Variants in DHRS13 observed in about 807,000 individuals in gnomAD.
DHRS13 encodes dehydrogenase/reductase SDR family member 13.
Under a neutral mutation model 17.9 loss-of-function variants are expected in DHRS13, and 22 were observed. The ratio of observed to expected loss-of-function variants is 1.23; its 90% CI spans 0.88 to 1.75. The LOEUF (loss-of-function observed/expected upper bound fraction) is 1.75, where lower values mean the gene tolerates loss of function less well. Ranked by LOEUF, DHRS13 falls within the 40% of genes most tolerant of loss-of-function variation. The probability of loss-of-function intolerance (pLI) is 0.00; values close to 1 mark genes in which losing one functional copy is unlikely to be tolerated. For synonymous variants in DHRS13, 206 were observed against 220.4 expected (o/e 0.93, Z 0.58); for missense variants, 483 against 519.9 (o/e 0.93, Z 0.69).
chr17:28,903,075 A>G lies in DHRS13; in HGVS notation c.-131T>C, dbSNP rs1238789052. ...TCAGCCTCCGAAGGCGGAGGCGGGC[A>G]GGAGGCTGGGCAGGGGCGTGTGCGC... On this transcript the variant is annotated 5_prime_UTR_variant, in exon 1 of 5. Coordinates refer to ENST00000378895, the MANE Select transcript of DHRS13 (RefSeq NM_144683.4). The surrounding 1 kb of genome is among the most constrained non-coding windows in gnomAD (Gnocchi z 4.8). 17 of 842,720 alleles carry G rather than the reference A, an allele frequency of 2.0e-5. No individual in the cohort carries two copies. The East Asian group carries it at 5.6e-4, about 28-fold the overall frequency. The allele number at this position is 842,720 out of a possible 1,614,324, so 52.2% of individuals were successfully genotyped here.
Position 28,900,984 on chromosome 17 carries a change from C to T in DHRS13, c.682+6G>A. ...GGGAATCGGAAGCCAAAGAACCAGA[C>T]CTCACCTGGGTGGGCTGCATAGCAG... is the stretch of plus-strand genomic sequence containing the variant. On this transcript the variant is annotated splice_donor_region_variant and intron_variant, in intron 4 of 4. Transcript: ENST00000378895. 1.3e-6 allele frequency: 2 copies of T among 1,579,770 alleles called. No homozygotes were observed. Among genetic ancestry groups the T allele is most frequent in the Non-Finnish European group, 1.7e-6 (2 of 1,159,072 alleles).
rs143814501 is a variant in DHRS13, at chr17:28,898,832, C to A, written c.743G>T (p.Arg248Leu). 1 of 1,608,574 alleles carries A rather than the reference C, an allele frequency of 6.2e-7. No homozygotes were observed. Among genetic ancestry groups the A allele is most frequent in the Non-Finnish European group, 8.5e-7 (1 of 1,177,334 alleles). The stretch of plus-strand genomic sequence containing the variant: ...CCGGAGCACCAGCCAAGCCAATGGG[C>A]GCAAAAGTGGGCGCAGCCATCCAGG... ...HVPGWLRPLLRPLAWLVLRAP... is the reference protein window; with the variant it reads ...HVPGWLRPLLLPLAWLVLRAP... The change falls in exon 5 of 5, where the codon CGC (arginine) becomes CTC (leucine). Residue 248 changes from arginine (R) to leucine (L), a missense_variant. Physicochemically the swap from Arg to Leu is moderately radical, Grantham distance 102 (BLOSUM62 -2). Coordinates refer to ENST00000378895, the MANE Select transcript of DHRS13 (RefSeq NM_144683.4).
rs750035478 is a variant in DHRS13, at chr17:28,901,612, C to A, written c.251G>T (p.Ser84Ile). The change falls in exon 3 of 5, where the codon AGT becomes ATT. Residue 84 changes from serine (S) to isoleucine (I), a missense_variant. Coordinates refer to ENST00000378895, the MANE Select transcript of DHRS13 (RefSeq NM_144683.4). The surrounding 1 kb of genome is among the most constrained non-coding windows in gnomAD (Gnocchi z 4.3). ...EAAAFDLRQE[S>I]GNNEVIFMAL... ...CATGAAGATGACCTCATTGTTCCCA[C>A]TCTCCTGTGGAGAGGCAAGGGCTGG... 2.3e-5 allele frequency: 37 copies of A among 1,614,108 alleles called. No homozygotes were observed. The Middle Eastern group carries it at 2.0e-3, about 86-fold the overall frequency.
Position 28,901,371 on chromosome 17 carries a change from A to G in DHRS13, c.371-70T>C. The stretch of plus-strand genomic sequence containing the variant: ...TGCAGCCTTGGCATCCCTATCTATG[A>G]GATGGGAGAAGGGGGCATCCTTCCC... On this transcript the variant is annotated intron_variant, in intron 3 of 4. Coordinates refer to ENST00000378895, the MANE Select transcript of DHRS13 (RefSeq NM_144683.4). This position sits in a 1 kb window ranked among gnomAD's most constrained non-coding sequence, Gnocchi z 4.3. 6.3e-7 allele frequency: 1 copy of G among 1,582,852 alleles called. No individual in the cohort carries two copies. Among genetic ancestry groups the G allele is most frequent in the Admixed American group, 1.7e-5 (1 of 57,180 alleles).
rs2039811971 is a variant in DHRS13 at position 28,902,273 on chromosome 17, C to T, written c.246+310G>A. The T allele has an allele frequency of 6.8e-6, 2 of 293,100 alleles. No homozygotes were observed. Among genetic ancestry groups the T allele is most frequent in the Non-Finnish European group, 1.3e-5 (2 of 158,212 alleles). The allele number at this position is 293,100 out of a possible 1,614,324, so 18.2% of individuals were successfully genotyped here. A position where few individuals can be genotyped will look rare whatever the true frequency, so the allele number is the denominator to read the frequency against. Reference sequence around the variant, plus strand: ...CAGTTTTTCAGATCAGTCCAGCTCTCTTTGCCTCAGAGCCTTTGCTTATGC... The same window carrying T: ...CAGTTTTTCAGATCAGTCCAGCTCTTTTTGCCTCAGAGCCTTTGCTTATGC... On this transcript the variant is annotated intron_variant, in intron 2 of 4. Coordinates refer to ENST00000378895, the MANE Select transcript of DHRS13 (RefSeq NM_144683.4). The surrounding 1 kb of genome is among the most constrained non-coding windows in gnomAD (Gnocchi z 4.0).
At chr17:28,898,956 T>G in intron 4 of DHRS13, 64 bp from the exon 5 acceptor site, 1 of 1,465,900 alleles carries the variant, frequency 6.8e-7, no homozygotes, top group African/African-American at 1.4e-5. Flanking sequence ...CAGTCACAGC[T>G]ACTCGGGAGG....
At position 28,901,575 on chromosome 17, in the gene DHRS13, C is replaced by T. The variant is rs1235929421; in HGVS notation, c.288G>A (p.Leu96=). The T allele has an allele frequency of 1.9e-6, 3 of 1,614,244 alleles. No homozygotes were observed. Among genetic ancestry groups the T allele is most frequent in the South Asian group, 2.2e-5 (2 of 91,088 alleles). Residue 96 remains leucine, a synonymous_variant, in exon 3 of 5, where the codon TTG becomes TTA. Transcript: ENST00000378895. This position sits in a 1 kb window ranked among gnomAD's most constrained non-coding sequence, Gnocchi z 4.3. ...AGGCCCGCACCGAGGCCAGACTGGC[C>T]AAGTCCAAGGCCATGAAGATGACCT... is the stretch of plus-strand genomic sequence containing the variant. ...NNEVIFMALD[L]ASLASVRAFA...
Position 28,902,958 on chromosome 17 carries a change from C to T in DHRS13, c.-14G>A. On this transcript the variant is annotated 5_prime_UTR_variant, in exon 1 of 5. Transcript: ENST00000378895. This position sits in a 1 kb window ranked among gnomAD's most constrained non-coding sequence, Gnocchi z 4.0. The stretch of plus-strand genomic sequence containing the variant: ...CAGCGCCTCCATGCCGGCCGCGCCT[C>T]CCGGCTCCCGCCCAGGCCCCGCACC... The T allele has an allele frequency of 6.7e-7, 1 of 1,501,198 alleles. No homozygotes were observed. Among genetic ancestry groups the T allele is most frequent in the South Asian group, 1.2e-5 (1 of 81,408 alleles). The allele number at this position is 1,501,198 out of a possible 1,614,324, so 93.0% of individuals were successfully genotyped here. A position where few individuals can be genotyped will look rare whatever the true frequency, so the allele number is the denominator to read the frequency against.
rs1430791721 is a variant in DHRS13 at position 28,898,643 on chromosome 17, G to A, written c.932C>T (p.Ala311Val). 6.2e-7 allele frequency: 1 copy of A among 1,613,754 alleles called. No individual in the cohort carries two copies. The change falls in exon 5 of 5, where the codon GCA becomes GTA. Residue 311 changes from alanine to valine, a missense_variant. Transcript: ENST00000378895. ...AGCATCCTCCCCAGGCCCAAGCCCT[G>A]CCAGCCTCTTGCTGGCCTCCCATAG... is the stretch of plus-strand genomic sequence containing the variant. ...HRLWEASKRL[A>V]GLGPGEDAEP...
rs977437869 is a variant in DHRS13 at position 28,899,793 on chromosome 17, C to A, written c.683-901G>T. On this transcript the variant is annotated intron_variant, in intron 4 of 4. Coordinates refer to ENST00000378895, the MANE Select transcript of DHRS13 (RefSeq NM_144683.4). The surrounding 1 kb of genome is among the most constrained non-coding windows in gnomAD (Gnocchi z 4.7). ...CGAGATCTCAGCTTACTGGCAACGTCCACCTCTAGGTTCAGGCGATTCTCC... is the reference window on the plus strand; with the variant it reads ...CGAGATCTCAGCTTACTGGCAACGTACACCTCTAGGTTCAGGCGATTCTCC... 6.6e-6 allele frequency among the ~76,000 whole-genome samples: 1 copy of A among 152,244 alleles called. No individual in the cohort carries two copies. The highest frequency in any genetic ancestry group is 1.5e-5 in the Non-Finnish European group (1 of 68,048).
chr17:28,902,952 G>T lies in DHRS13; in HGVS notation c.-8C>A. The T allele has an allele frequency of 2.0e-6, 3 of 1,512,772 alleles. No homozygotes were observed. Among genetic ancestry groups the T allele is most frequent in the Non-Finnish European group, 2.6e-6 (3 of 1,137,196 alleles). The allele number at this position is 1,512,772 out of a possible 1,614,324, so 93.7% of individuals were successfully genotyped here. ...CAGCAGCAGCGCCTCCATGCCGGCC[G>T]CGCCTCCCGGCTCCCGCCCAGGCCC... On this transcript the variant is annotated 5_prime_UTR_variant, in exon 1 of 5. Coordinates refer to ENST00000378895, the MANE Select transcript of DHRS13 (RefSeq NM_144683.4). This position sits in a 1 kb window ranked among gnomAD's most constrained non-coding sequence, Gnocchi z 4.0.
rs952899109 is a variant in DHRS13 at position 28,899,234 on chromosome 17, T to C, written c.683-342A>G. The C allele has an allele frequency of 8.0e-5, 18 of 226,150 alleles. No individual in the cohort carries two copies. Among genetic ancestry groups the C allele is most frequent in the African/African-American group, 4.0e-4 (17 of 42,712 alleles). 14.0% of individuals were successfully genotyped at this position (226,150 alleles called of 1,614,324 possible). ...CCCACATCCCAGATTTTGTTCATGC[T>C]GTGTCCCATGTCTGAAACAATTCTC... On this transcript the variant is annotated intron_variant, in intron 4 of 4. Transcript: ENST00000378895. This position sits in a 1 kb window ranked among gnomAD's most constrained non-coding sequence, Gnocchi z 4.7.
chr17:28,900,660 T>C (rs1567942241), intron 4 of DHRS13, among the ~76,000 whole-genome samples: 1 of 152,212 alleles, frequency 6.6e-6, no homozygotes, highest in Non-Finnish European at 1.5e-5. Context: ...TAAATGCTTC[T>C]TGGATGAATT....
chr17:28,901,321 TGAGCGGCTGCTCCAGAAG>T lies in DHRS13; in HGVS notation c.371-38_371-21del. 1 of 1,590,616 alleles carries T rather than the reference TGAGCGGCTGCTCCAGAAG, an allele frequency of 6.3e-7. No individual in the cohort carries two copies. Among genetic ancestry groups the T allele is most frequent in the East Asian group, 2.2e-5 (1 of 44,630 alleles). On this transcript the variant is annotated intron_variant, in intron 3 of 4. Coordinates refer to ENST00000378895, the MANE Select transcript of DHRS13 (RefSeq NM_144683.4). The surrounding 1 kb of genome is among the most constrained non-coding windows in gnomAD (Gnocchi z 4.3). ...TGATACCTGGGGCAGAGGCTAAATG[TGAGCGGCTGCTCCAGAAG>T]GAGCTCTGCAGCCTTGGCATCCCTA...
chr17:28,902,900 G>A lies in DHRS13; in HGVS notation c.45C>T (p.Tyr15=), dbSNP rs368681405. 48 of 1,555,076 alleles carry A rather than the reference G, an allele frequency of 3.1e-5. No homozygotes were observed. The highest frequency in any genetic ancestry group is 3.9e-5 in the Non-Finnish European group (45 of 1,158,776). ...TCACCAGGTTGTAGTAGACAAGCAC[G>A]TAAGCGCCCAGCAGCAACCCCGCGC... ...LLGAGLLLGA[Y]VLVYYNLVKA... Residue 15 remains tyrosine (Y), a synonymous_variant, in exon 1 of 5, where the codon TAC becomes TAT. Coordinates refer to ENST00000378895, the MANE Select transcript of DHRS13 (RefSeq NM_144683.4). This position sits in a 1 kb window ranked among gnomAD's most constrained non-coding sequence, Gnocchi z 4.0.
At position 28,902,867 on chromosome 17, in the gene DHRS13, C is replaced by G; in HGVS notation, c.78G>C (p.Pro26=). ...GCAGGTTGCCCATGCCGCCGCACGGCGGGGCCTTCACCAGGTTGTAGTAGA... is the reference window on the plus strand; with the variant it reads ...GCAGGTTGCCCATGCCGCCGCACGGGGGGGCCTTCACCAGGTTGTAGTAGA... The part of the protein sequence containing the change: ...VLVYYNLVKA[P]PCGGMGNLRG... Residue 26 remains proline (P), a synonymous_variant, in exon 1 of 5, where the codon CCG becomes CCC. Transcript: ENST00000378895. This position sits in a 1 kb window ranked among gnomAD's most constrained non-coding sequence, Gnocchi z 4.0. 1.3e-6 allele frequency: 2 copies of G among 1,550,902 alleles called. No individual in the cohort carries two copies. Among genetic ancestry groups the G allele is most frequent in the Non-Finnish European group, 1.7e-6 (2 of 1,156,918 alleles).
At position 28,898,895 on chromosome 17, in the gene DHRS13, G is replaced by A. The variant is rs762588881; in HGVS notation, c.683-3C>T. On this transcript the variant is annotated splice_region_variant and splice_polypyrimidine_tract_variant and intron_variant, in intron 4 of 4. Transcript: ENST00000378895. ...GAACAGCTCCGAGTTCACAGGCCCT[G>A]TAGGCAGGAAGAAAGAAAGGAGTCG... 1.3e-6 allele frequency: 2 copies of A among 1,567,748 alleles called. No individual in the cohort carries two copies.
rs2039814491 is a variant in DHRS13, at chr17:28,902,528, C to G, written c.246+55G>C. On this transcript the variant is annotated intron_variant, in intron 2 of 4. Coordinates refer to ENST00000378895, the MANE Select transcript of DHRS13 (RefSeq NM_144683.4). The surrounding 1 kb of genome is among the most constrained non-coding windows in gnomAD (Gnocchi z 4.0). ...CTCCGCAGCCCCTTTGCTGGCTTCT[C>G]TGTGTCCCGGCGGGTTCTCGGCTCA... 3 of 1,419,698 alleles carry G rather than the reference C, an allele frequency of 2.1e-6. No individual in the cohort carries two copies. Among genetic ancestry groups the G allele is most frequent in the Non-Finnish European group, 2.8e-6 (3 of 1,089,736 alleles). 87.9% of individuals were successfully genotyped at this position (1,419,698 alleles called of 1,614,324 possible).
At chr17:28,900,451 C>A (rs1157261409) in intron 4 of DHRS13, among the ~76,000 whole-genome samples, 1 of 152,186 alleles carries the variant, frequency 6.6e-6, no homozygotes, top group Non-Finnish European at 1.5e-5. Flanking sequence ...ACTGCCACAC[C>A]ATATTCCCGT....
Sources: gnomAD v4.1 joint callset for allele counts (sites outside exome capture counted in the v4.1 genomes callset) on GRCh38, gnomAD v4.1.1 for gene constraint, Gnocchi (gnomAD v3.1) non-coding constraint, MANE v1.5 for transcripts, NCBI Gene and HGNC (gene_info 2026-07-23, HGNC 2026-07-21) for gene names.